Variants in TFDP2 observed in about 807,000 individuals in gnomAD.
TFDP2 encodes transcription factor Dp-2 (E2F dimerization partner 2).
A neutral mutation model predicts 59.3 loss-of-function variants in TFDP2; 17 were observed. That is an observed-to-expected ratio of 0.29 (90% CI 0.20 to 0.43). The LOEUF is 0.43. TFDP2 is among the 20% of genes least tolerant of loss of function. The probability of loss-of-function intolerance (pLI) is 1.00; values close to 1 mark genes in which losing one functional copy is unlikely to be tolerated. For synonymous variants in TFDP2, 180 were observed against 194.7 expected, an observed-to-expected ratio of 0.92 and a Z score of 0.63; for missense variants, 391 against 528.8, an observed-to-expected ratio of 0.74 and a Z score of 2.56.
intron 3 of TFDP2, among the ~76,000 whole-genome samples, chr3:142,042,840 A>C (rs1202618570): frequency 1.3e-4 from 17 of 134,614 alleles, no homozygotes; most frequent in East Asian, 4.5e-4. Context: ...CCCGGGTTCA[A>C]GCAATTCTCC....
intron 4 of TFDP2, among the ~76,000 whole-genome samples, chr3:142,004,240 T>A (rs1489597881): frequency 6.6e-6 from 1 of 152,206 alleles, no homozygotes; most frequent in Admixed American, 6.5e-5. Flanking sequence ...TTTCTGCAGA[T>A]GATAAACAGT....
chr3:142,116,455 T>C (rs764512422), intron 1 of TFDP2, among the ~76,000 whole-genome samples: 1 of 152,172 alleles, frequency 6.6e-6, no homozygotes, highest in Non-Finnish European at 1.5e-5. Flanking sequence ...TGGAATTATG[T>C]GGCCACAGCC....
chr3:142,042,625 CTTTTCTTTTT>C (rs1317400681), intron 3 of TFDP2, among the ~76,000 whole-genome samples: 127 of 70,626 alleles, frequency 1.8e-3, no homozygotes, highest in African/African-American at 7.8e-3. Context: ...CTTTTCTTTT[CTTTTCTTTTT>C]TTTTTTTTTT....
chr3:142,104,379 T>A (rs2061409427), intron 1 of TFDP2, among the ~76,000 whole-genome samples: 1 of 152,224 alleles, frequency 6.6e-6, no homozygotes, highest in South Asian at 2.1e-4. Context: ...AAGATTAATA[T>A]TTCAACCAAG....
chr3:142,073,471 G>A (rs373786906), intron 3 of TFDP2, among the ~76,000 whole-genome samples: 2 of 3,442 alleles, frequency 5.8e-4, no homozygotes, highest in African/African-American at 1.8e-3. Context: ...CCCCCCCCCC[G>A]CAAAAAAAAA....
chr3:142,107,156 A>G (rs912922288), intron 1 of TFDP2, among the ~76,000 whole-genome samples: 1 of 152,164 alleles, frequency 6.6e-6, no homozygotes, highest in African/African-American at 2.4e-5. Context: ...ATTGGCATAA[A>G]TCCTTTCAGT....
At chr3:142,122,808 A>C (rs2062095901) in intron 1 of TFDP2, among the ~76,000 whole-genome samples, 1 of 152,220 alleles carries the variant, frequency 6.6e-6, no homozygotes, top group African/African-American at 2.4e-5. Flanking sequence ...GGGTATTCTA[A>C]TATGAAGAGA....
At chr3:142,107,224 T>C (rs1354012264) in intron 1 of TFDP2, among the ~76,000 whole-genome samples, 1 of 151,902 alleles carries the variant, frequency 6.6e-6, no homozygotes, top group African/African-American at 2.4e-5. Flanking sequence ...ATATTTTCTT[T>C]TTTTTCTTTT....
At chr3:142,055,280 T>C (rs2059702838) in intron 3 of TFDP2, among the ~76,000 whole-genome samples, 1 of 151,978 alleles carries the variant, frequency 6.6e-6, no homozygotes, top group Non-Finnish European at 1.5e-5. Flanking sequence ...TAGGTTCAGA[T>C]ATTTGGTATA....
chr3:142,025,153 C>T (rs971740404), intron 3 of TFDP2, among the ~76,000 whole-genome samples: 5 of 151,896 alleles, frequency 3.3e-5, no homozygotes, highest in Non-Finnish European at 7.4e-5. Context: ...TTTGTTTTTT[C>T]CTTCAGACAC....
intron 9 of TFDP2, among the ~76,000 whole-genome samples, chr3:141,968,422 TCTCATATATAGATATATATAA>T (rs1938593436): frequency 1.9e-5 from 2 of 106,768 alleles, no homozygotes; most frequent in African/African-American, 7.5e-5. Flanking sequence ...AACATATATA[TCTCATATATAGATATATATAA>T]CATATATATC....
At chr3:142,073,538 A>G (rs2108555345) in intron 3 of TFDP2, among the ~76,000 whole-genome samples, 1 of 148,276 alleles carries the variant, frequency 6.7e-6, no homozygotes, top group South Asian at 2.2e-4. Flanking sequence ...AACAAAAGCC[A>G]GATTATATTG....
intron 3 of TFDP2, among the ~76,000 whole-genome samples, chr3:142,050,863 CA>C (rs1947592967): frequency 6.6e-6 from 1 of 151,940 alleles, no homozygotes; most frequent in Admixed American, 6.6e-5. Context: ...ATCAATCAAT[CA>C]ATCAGGAGAT....
chr3:142,125,960 A>G (rs926358063), intron 1 of TFDP2, among the ~76,000 whole-genome samples: 1 of 152,182 alleles, frequency 6.6e-6, no homozygotes, highest in African/African-American at 2.4e-5. Flanking sequence ...GCAAGCAGAA[A>G]TAACCTAAAG....
chr3:142,029,244 A>C (rs900841961), intron 3 of TFDP2: 10 of 151,580 alleles, frequency 6.6e-5, no homozygotes, highest in African/African-American at 2.4e-4. Context: ...TGGGAGGAAA[A>C]AAATGTCCCA....
chr3:142,059,942 G>A (rs1177951636), intron 3 of TFDP2, among the ~76,000 whole-genome samples: 1 of 151,818 alleles, frequency 6.6e-6, no homozygotes, highest in Non-Finnish European at 1.5e-5. Context: ...CTTAAAACAC[G>A]TTTTTTCTAG....
chr3:141,958,251 G>A (rs1413242557), intron 11 of TFDP2, among the ~76,000 whole-genome samples: 4 of 151,982 alleles, frequency 2.6e-5, no homozygotes, highest in African/African-American at 9.7e-5. Flanking sequence ...TTTATTTTCA[G>A]TAAAATAAAC....
intron 11 of TFDP2, among the ~76,000 whole-genome samples, chr3:141,956,721 G>A (rs1392546951): frequency 6.6e-6 from 1 of 151,512 alleles, no homozygotes; most frequent in East Asian, 1.9e-4. Flanking sequence ...AGACTAGCCT[G>A]GACAACATGG....
chr3:141,969,091 CAT>C (rs374942084), intron 9 of TFDP2, among the ~76,000 whole-genome samples: 1,207 of 43,148 alleles, frequency 0.028, 217 homozygotes, highest in African/African-American at 0.13. Context: ...ATATATATAA[CAT>C]ATATATATAT....
Sources: allele counts gnomAD v4.1 joint callset (sites outside exome capture counted in the v4.1 genomes callset), GRCh38; gene constraint gnomAD v4.1.1; transcripts MANE v1.5; gene names NCBI Gene and HGNC (gene_info 2026-07-23, HGNC 2026-07-21).